The following MACROD2 variants were observed in gnomAD, a reference collection of about 807,000 sequenced individuals.
The protein encoded by MACROD2 is ADP-ribose glycohydrolase MACROD2.
Under a neutral mutation model 70.4 loss-of-function variants are expected in MACROD2, and 36 were observed. The ratio of observed to expected loss-of-function variants is 0.51; its 90% CI spans 0.39 to 0.68. MACROD2 has a LOEUF of 0.68. Among genes scored for constraint, MACROD2 ranks in the 30% least tolerant of loss-of-function variants. The pLI is 0.00. For synonymous variants in MACROD2, 172 were observed against 178.8 expected (o/e 0.96, Z 0.30); for missense variants, 496 against 538.4 (o/e 0.92, Z 0.78).
In MACROD2 at chr20:16,050,931, G is replaced by A. The variant is rs1287723871; in HGVS notation, c.*1055G>A. 2 of 152,276 alleles carry A rather than the reference G, an allele frequency of 1.3e-5. No individual in the cohort carries two copies. The highest frequency in any genetic ancestry group is 2.9e-5 in the Non-Finnish European group (2 of 68,076). 9.4% of individuals were successfully genotyped at this position (152,276 alleles called of 1,614,324 possible). Reference sequence around the variant, plus strand: ...AAATGCTGTCACTTGTTTATGCCAAGTTCAAGGCTGATTCAATGGTTGGTC... The same window carrying A: ...AAATGCTGTCACTTGTTTATGCCAAATTCAAGGCTGATTCAATGGTTGGTC... On this transcript the variant is annotated 3_prime_UTR_variant, in exon 18 of 18. Coordinates refer to ENST00000684519, the MANE Select transcript of MACROD2 (RefSeq NM_001351661.2).
At chr20:14,023,829 A>G (rs2053121294) in intron 2 of MACROD2, among the ~76,000 whole-genome samples, 1 of 152,218 alleles carries the variant, frequency 6.6e-6, no homozygotes, top group African/African-American at 2.4e-5. Context: ...GAAGTCAGGT[A>G]GTATGATGCC....
intron 3 of MACROD2, among the ~76,000 whole-genome samples, chr20:14,231,141 T>C (rs531249589): frequency 5.8e-4 from 89 of 152,158 alleles, no homozygotes; most frequent in African/African-American, 2.0e-3. Flanking sequence ...TTTTTTTCTT[T>C]TTTTTTTAAA....
intron 15 of MACROD2, among the ~76,000 whole-genome samples, chr20:16,026,219 T>A (rs569843959): frequency 2.0e-5 from 3 of 152,172 alleles, no homozygotes; most frequent in Non-Finnish European, 4.4e-5. Context: ...ACCACCAAGC[T>A]TTGATCCTGA....
intron 4 of MACROD2, among the ~76,000 whole-genome samples, chr20:14,570,654 A>G (rs1980130050): frequency 6.6e-6 from 1 of 151,972 alleles, no homozygotes; most frequent in Non-Finnish European, 1.5e-5. Flanking sequence ...AGCCAAACTA[A>G]TTGTTTGAAT....
intron 4 of MACROD2, among the ~76,000 whole-genome samples, chr20:14,504,138 A>G: frequency 6.6e-6 from 1 of 152,192 alleles, no homozygotes; most frequent in East Asian, 1.9e-4. Flanking sequence ...ACTTGCTGAA[A>G]CCTCAGAATC....
chr20:15,570,305 G>A (rs1400101565), intron 8 of MACROD2, among the ~76,000 whole-genome samples: 3 of 152,130 alleles, frequency 2.0e-5, no homozygotes, highest in Admixed American at 6.6e-5. Context: ...GTGATGTTGA[G>A]CATTTCTTCA....
intron 8 of MACROD2, among the ~76,000 whole-genome samples, chr20:15,780,121 T>C (rs1432093690): frequency 6.6e-6 from 1 of 152,168 alleles, no homozygotes. Context: ...TAAATTCCAC[T>C]GTAATTTAAG....
rs1482306431 is a variant in MACROD2, at chr20:14,154,584, T to C, written c.271+68856T>C. Among the ~76,000 whole-genome samples, 6 of 54,186 alleles carry C rather than the reference T, an allele frequency of 1.1e-4. No homozygotes were observed. In the East Asian group the frequency reaches 2.4e-3, roughly 22 times the overall value. The allele number at this position is 54,186 out of a possible 152,430, so 35.5% of individuals were successfully genotyped here. On this transcript the variant is annotated intron_variant, in intron 3 of 17. Coordinates refer to ENST00000684519, the MANE Select transcript of MACROD2 (RefSeq NM_001351661.2). ...TTTTTTTTTTTTTTTTTTTTTTTTT[T>C]TGGATTTTTAGTAAAGACGGGGTTT...
chr20:16,011,045 A>G (rs1471105044), intron 15 of MACROD2, among the ~76,000 whole-genome samples: 1 of 152,196 alleles, frequency 6.6e-6, no homozygotes, highest in Non-Finnish European at 1.5e-5. Flanking sequence ...CTTTTCCCAA[A>G]TGGGAAACAA....
intron 5 of MACROD2, among the ~76,000 whole-genome samples, chr20:14,840,576 T>C (rs1052311535): frequency 6.6e-6 from 1 of 152,012 alleles, no homozygotes; most frequent in Non-Finnish European, 1.5e-5. Context: ...TAGGTACTTG[T>C]TCATTTGTGT....
intron 8 of MACROD2, among the ~76,000 whole-genome samples, chr20:15,828,884 C>A (rs866818177): frequency 6.6e-6 from 1 of 152,166 alleles, no homozygotes; most frequent in Middle Eastern, 3.2e-3. Flanking sequence ...TCAGGACATC[C>A]TTTAAGTTCA....
At chr20:15,197,195 T>C (rs1601208300) in intron 5 of MACROD2, among the ~76,000 whole-genome samples, 1 of 152,154 alleles carries the variant, frequency 6.6e-6, no homozygotes, top group East Asian at 1.9e-4. Context: ...CAGTTAACCA[T>C]GAAGGGCTTT....
At chr20:14,757,776 A>G (rs996086188) in intron 5 of MACROD2, 11 of 1,534,296 alleles carry the variant, frequency 7.2e-6, no homozygotes, top group South Asian at 1.1e-5. Flanking sequence ...TACCTTCCCA[A>G]TGAGGGTATC....
At chr20:14,528,321 G>GTT (rs530596762) in intron 4 of MACROD2, among the ~76,000 whole-genome samples, 8,087 of 136,936 alleles carry the variant, frequency 0.059, 539 homozygotes, top group South Asian at 0.26. Context: ...CAGGGTTTCT[G>GTT]TTTTTTTTTT....
At chr20:15,112,441 C>CT (rs1394150418) in intron 5 of MACROD2, among the ~76,000 whole-genome samples, 4 of 152,016 alleles carry the variant, frequency 2.6e-5, no homozygotes, top group Non-Finnish European at 5.9e-5. Context: ...ATTTGATTGC[C>CT]TTGAGGCCTT....
intron 3 of MACROD2, among the ~76,000 whole-genome samples, chr20:14,353,232 G>A (rs1166882176): frequency 1.3e-5 from 2 of 152,012 alleles, no homozygotes; most frequent in Admixed American, 6.6e-5. Context: ...AATAGTAGCA[G>A]CCTTATTCCA....
intron 4 of MACROD2, among the ~76,000 whole-genome samples, chr20:14,576,744 G>A (rs1254539804): frequency 6.6e-5 from 10 of 151,898 alleles, no homozygotes; most frequent in Non-Finnish European, 1.3e-4. Flanking sequence ...TAAAACTTCT[G>A]GTATATTATA....
At chr20:15,027,576 T>C (rs1046650830) in intron 5 of MACROD2, among the ~76,000 whole-genome samples, 2 of 151,820 alleles carry the variant, frequency 1.3e-5, no homozygotes, top group African/African-American at 4.8e-5. Context: ...ATAATATCTA[T>C]TTGTGAAAAA....
intron 6 of MACROD2, among the ~76,000 whole-genome samples, chr20:15,235,324 T>C (rs191534035): frequency 2.3e-4 from 35 of 152,360 alleles, no homozygotes; most frequent in African/African-American, 8.2e-4. Flanking sequence ...TTAAGTGGTG[T>C]ATGCTACCTG....
Sources: allele counts gnomAD v4.1 joint callset (sites outside exome capture counted in the v4.1 genomes callset), GRCh38; gene constraint gnomAD v4.1.1; transcripts MANE v1.5; gene names NCBI Gene and HGNC (gene_info 2026-07-23, HGNC 2026-07-21).